GLIS3: variants seen among roughly 807,000 people sequenced by gnomAD.
GLIS3 encodes GLIS family zinc finger 3, also known as zinc finger protein GLIS3.
A neutral mutation model predicts 78.6 loss-of-function variants in GLIS3; 53 were observed. The ratio of observed to expected loss-of-function variants is 0.67; its 90% CI spans 0.54 to 0.85. The LOEUF (loss-of-function observed/expected upper bound fraction) is 0.85, where lower values mean the gene tolerates loss of function less well. Ranked by LOEUF, GLIS3 falls within the 40% of genes least tolerant of loss-of-function variation. GLIS3 has a pLI of 0.00. For missense variants in GLIS3, 1,703 were observed against 1,231.1 expected, an observed-to-expected ratio of 1.38 and a Z score of -5.74; for synonymous variants, 684 against 509.9, an observed-to-expected ratio of 1.34 and a Z score of -4.60.
intron 6 of GLIS3, among the ~76,000 whole-genome samples, chr9:3,923,099 T>G (rs1417283011): frequency 6.6e-6 from 1 of 152,236 alleles, no homozygotes; most frequent in Non-Finnish European, 1.5e-5. Flanking sequence ...GTAGTCATAG[T>G]TGGATAAGCC....
chr9:4,004,941 C>G (rs995536740), intron 4 of GLIS3, among the ~76,000 whole-genome samples: 2 of 152,108 alleles, frequency 1.3e-5, no homozygotes, highest in Admixed American at 1.3e-4. Flanking sequence ...AAAGAAGTAA[C>G]CTTCCCAATG....
intron 2 of GLIS3, among the ~76,000 whole-genome samples, chr9:4,231,386 G>A (rs1341867954): frequency 1.3e-5 from 2 of 152,170 alleles, no homozygotes; most frequent in African/African-American, 4.8e-5. Context: ...ATTAAGGTTC[G>A]GTTGAAAGGC....
At chr9:4,159,127 T>G (rs1244180640) in intron 2 of GLIS3, among the ~76,000 whole-genome samples, 4 of 151,758 alleles carry the variant, frequency 2.6e-5, no homozygotes, top group Non-Finnish European at 5.9e-5. Flanking sequence ...CAGTCTCAAC[T>G]TTAGACTATA....
At chr9:4,166,271 G>T (rs113350775) in intron 2 of GLIS3, among the ~76,000 whole-genome samples, 1 of 152,142 alleles carries the variant, frequency 6.6e-6, no homozygotes, top group Non-Finnish European at 1.5e-5. Context: ...TAGGGTTGAT[G>T]GTGACTAGGA....
chr9:3,945,136 C>T (rs1259026814), intron 4 of GLIS3, among the ~76,000 whole-genome samples: 1 of 152,184 alleles, frequency 6.6e-6, no homozygotes. Context: ...AAACTTTCAA[C>T]ATATAAACTC....
At chr9:4,261,549 A>C (rs890222786) in intron 2 of GLIS3, among the ~76,000 whole-genome samples, 1 of 152,214 alleles carries the variant, frequency 6.6e-6, no homozygotes, top group African/African-American at 2.4e-5. Context: ...GCTAAAACTG[A>C]GAAGGCCAGT....
chr9:4,325,483 C>T (rs187295764), intron 2 of GLIS3, among the ~76,000 whole-genome samples: 27 of 152,288 alleles, frequency 1.8e-4, no homozygotes, highest in African/African-American at 6.5e-4. Context: ...TTTCACTAAG[C>T]CCACTTCCCT....
At chr9:3,946,004 G>A (rs571730051) in intron 4 of GLIS3, among the ~76,000 whole-genome samples, 7 of 152,162 alleles carry the variant, frequency 4.6e-5, no homozygotes, top group Non-Finnish European at 7.3e-5. Context: ...TAAGCAGCAC[G>A]TTGCTTTTTG....
Position 3,894,880 on chromosome 9 carries a change from C to G in GLIS3, c.2128+3811G>C, listed in dbSNP as rs146779305. ...ATTTCTCTTGTTCCAGCTGTGTTAGCTCATCCTTGATGAGTAGTTTCTGTG... is the reference window on the plus strand; with the variant it reads ...ATTTCTCTTGTTCCAGCTGTGTTAGGTCATCCTTGATGAGTAGTTTCTGTG... On this transcript the variant is annotated intron_variant, in intron 7 of 10. Coordinates refer to ENST00000381971, the MANE Select transcript of GLIS3 (RefSeq NM_001042413.2). Among the ~76,000 whole-genome samples the G allele has an allele frequency of 9.2e-5, 14 of 152,280 alleles. No individual in the cohort carries two copies. The East Asian group carries it at 2.7e-3, about 29-fold the overall frequency.
the GLIS3 span, among the ~76,000 whole-genome samples, chr9:4,450,606 A>G: frequency 2.6e-5 from 4 of 152,202 alleles, no homozygotes; most frequent in African/African-American, 7.2e-5. Context: ...GAGAAAGGTC[A>G]GGTTACCCAC....
intron 2 of GLIS3, among the ~76,000 whole-genome samples, chr9:4,271,188 G>A (rs1245117294): frequency 6.6e-6 from 1 of 152,092 alleles, no homozygotes; most frequent in Non-Finnish European, 1.5e-5. Flanking sequence ...AACGGGGGCA[G>A]GAAGTAACTT....
At chr9:4,414,315 G>A in the GLIS3 span, among the ~76,000 whole-genome samples, 2 of 152,216 alleles carry the variant, frequency 1.3e-5, no homozygotes, top group African/African-American at 4.8e-5. Context: ...GTATGGCCCA[G>A]AGGCATTTTT....
chr9:3,959,942 A>G (rs1488380725), intron 4 of GLIS3, among the ~76,000 whole-genome samples: 1 of 152,216 alleles, frequency 6.6e-6, no homozygotes, highest in East Asian at 1.9e-4. Context: ...ACCTGAGGTC[A>G]GGAGTTCAAG....
chr9:4,476,924 T>C, the GLIS3 span, among the ~76,000 whole-genome samples: 4 of 152,076 alleles, frequency 2.6e-5, no homozygotes, highest in Non-Finnish European at 5.9e-5. Context: ...CAAATATTGG[T>C]GAGGATGTGG....
intron 1 of GLIS3, among the ~76,000 whole-genome samples, chr9:4,287,802 A>T (rs1253591711): frequency 6.6e-6 from 1 of 152,252 alleles, no homozygotes. Context: ...ATTTTTAGAA[A>T]ATCAAAAATA....
At chr9:4,005,598 G>C (rs1821479202) in intron 4 of GLIS3, among the ~76,000 whole-genome samples, 1 of 152,128 alleles carries the variant, frequency 6.6e-6, no homozygotes, top group African/African-American at 2.4e-5. Flanking sequence ...TACTGCATAG[G>C]TTTGTTGAAA....
intron 2 of GLIS3, among the ~76,000 whole-genome samples, chr9:4,220,975 A>G (rs1445021634): frequency 6.6e-6 from 1 of 152,070 alleles, no homozygotes; most frequent in East Asian, 1.9e-4. Flanking sequence ...ACACAGCAAG[A>G]CCCTGTCTCT....
At chr9:4,344,053 C>T (rs1390732702) in intron 2 of GLIS3, among the ~76,000 whole-genome samples, 1 of 152,140 alleles carries the variant, frequency 6.6e-6, no homozygotes, top group Non-Finnish European at 1.5e-5. Context: ...TGCACATGTA[C>T]TCCCTAAACC....
chr9:4,372,087 G>C, the GLIS3 span, among the ~76,000 whole-genome samples: 2 of 152,218 alleles, frequency 1.3e-5, no homozygotes, highest in South Asian at 2.1e-4. Context: ...CTGAGTAACT[G>C]CTATTGAACC....
Sources: gnomAD v4.1 joint callset for allele counts (sites outside exome capture counted in the v4.1 genomes callset) on GRCh38, gnomAD v4.1.1 for gene constraint, MANE v1.5 for transcripts, NCBI Gene and HGNC (gene_info 2026-07-23, HGNC 2026-07-21) for gene names.